RC3H1: variants seen among roughly 807,000 people sequenced by gnomAD.
RC3H1 encodes ring finger and CCCH-type domains 1.
Under a neutral mutation model 138.2 loss-of-function variants are expected in RC3H1, and 50 were observed. That is an observed-to-expected ratio of 0.36 (90% CI 0.29 to 0.46). The LOEUF is 0.46. Among genes scored for constraint, RC3H1 ranks in the 20% least tolerant of loss-of-function variants. RC3H1 has a pLI of 1.00. For synonymous variants in RC3H1, 462 were observed against 489.1 expected (o/e 0.94, Z 0.73); for missense variants, 1,031 against 1,388.1 (o/e 0.74, Z 4.09).
At position 173,952,106 on chromosome 1, in the gene RC3H1, T is replaced by C. The variant is rs1186079947; in HGVS notation, c.2403A>G (p.Lys801=). 1.9e-6 allele frequency: 3 copies of C among 1,588,018 alleles called. No individual in the cohort carries two copies. The highest frequency in any genetic ancestry group is 4.5e-5 in the East Asian group (2 of 44,102). Residue 801 remains lysine, a synonymous_variant, in exon 14 of 20, where the codon AAA becomes AAG. Transcript: ENST00000367696. ...ATTGGCTATAATCATTTCCTTTGTA[T>C]TTCCCAGCTACCTTCAAGTCTTCAT... ...FLDEDLKVAG[K]YKGNDYSQYS...
intron 13 of RC3H1, among the ~76,000 whole-genome samples, chr1:173,959,929 A>T (rs979941708): frequency 6.6e-6 from 1 of 151,780 alleles, no homozygotes; most frequent in Non-Finnish European, 1.5e-5. Context: ...AACATGGTGA[A>T]ACCGTGTCTC....
chr1:174,019,961 C>T (rs1185888492), intron 1 of RC3H1, among the ~76,000 whole-genome samples: 1 of 151,850 alleles, frequency 6.6e-6, no homozygotes, highest in Non-Finnish European at 1.5e-5. Context: ...GTAAATCTGC[C>T]CTTGACATAA....
At chr1:174,007,964 A>G (rs1172867960) in intron 1 of RC3H1, among the ~76,000 whole-genome samples, 2 of 152,210 alleles carry the variant, frequency 1.3e-5, no homozygotes, top group African/African-American at 4.8e-5. Context: ...TAAAAAAAGT[A>G]GACAAAAATC....
chr1:173,967,049 C>T (rs1177757228), intron 9 of RC3H1, among the ~76,000 whole-genome samples: 1 of 152,068 alleles, frequency 6.6e-6, no homozygotes, highest in African/African-American at 2.4e-5. Context: ...GTGCTGGGCA[C>T]AATGGCTCAC....
Position 173,980,822 on chromosome 1 carries a change from G to C in RC3H1, c.956C>G (p.Ser319Cys). Residue 319 changes from serine to cysteine, a missense_variant, in exon 6 of 20, where the codon TCC becomes TGC. This residue lies in a region of RC3H1 where 142 missense variants were observed against 224.6 expected (regional missense o/e 0.63). Transcript: ENST00000367696. ...AAAAGGTCCTACCTTGTCAATAATG[G>C]ACTGCATATGAGATTTGTGAGACTG... is the stretch of plus-strand genomic sequence containing the variant. ...GDQSHKSHMQ[S>C]IIDKLQTPAS... is the part of the protein sequence containing the mutation. 6.2e-7 allele frequency: 1 copy of C among 1,613,412 alleles called. No homozygotes were observed. Among genetic ancestry groups the C allele is most frequent in the Non-Finnish European group, 8.5e-7 (1 of 1,179,456 alleles).
chr1:173,999,587 A>G (rs983358688), intron 1 of RC3H1, among the ~76,000 whole-genome samples: 2 of 152,248 alleles, frequency 1.3e-5, no homozygotes, highest in Non-Finnish European at 2.9e-5. Flanking sequence ...TGATTAAAAC[A>G]TTGTCAATGA....
chr1:173,947,619 C>T (rs1571172141), intron 14 of RC3H1, 37 bp from the exon 15 acceptor site: 1 of 1,529,512 alleles, frequency 6.5e-7, no homozygotes, highest in Non-Finnish European at 9.1e-7. Context: ...ACCCCACACT[C>T]AGATCGCTCT....
chr1:173,952,402 TA>T (rs35197109), intron 13 of RC3H1, among the ~76,000 whole-genome samples: 2,491 of 47,146 alleles, frequency 0.053, 92 homozygotes, highest in East Asian at 0.34. Context: ...TAGCAGAAGG[TA>T]AAAAAAAAAA....
At chr1:173,957,123 T>A (rs879491575) in intron 13 of RC3H1, among the ~76,000 whole-genome samples, 3 of 152,124 alleles carry the variant, frequency 2.0e-5, no homozygotes, top group Non-Finnish European at 2.9e-5. Context: ...GAGGTTTAAA[T>A]ATATGTCTTT....
In RC3H1 at chr1:173,961,753, G is replaced by A. The variant is rs1238421962; in HGVS notation, c.2174C>T (p.Pro725Leu). 3.7e-6 allele frequency: 6 copies of A among 1,612,582 alleles called. No individual in the cohort carries two copies. The highest frequency in any genetic ancestry group is 5.1e-6 in the Non-Finnish European group (6 of 1,179,966). Residue 725 changes from proline to leucine, a missense_variant, in exon 12 of 20, where the codon CCA (proline) becomes CTA (leucine). Transcript: ENST00000367696. ...GAGGTACGAAGGTCTGATCTGAGTT[G>A]GATGAGGAGCCACTGGATAGTAACT... is the stretch of plus-strand genomic sequence containing the variant. The part of the protein sequence containing the change: ...IESYYPVAPH[P>L]TQIRPSYLRE...
chr1:173,998,369 C>A (rs1447444595), intron 1 of RC3H1, among the ~76,000 whole-genome samples: 1 of 152,050 alleles, frequency 6.6e-6, no homozygotes, highest in Non-Finnish European at 1.5e-5. Context: ...GATTAGTTTC[C>A]CCACCAGTTT....
rs577730180 is a variant in RC3H1, at chr1:173,970,731, T to C, written c.1222-114A>G. The C allele has an allele frequency of 2.4e-4, 148 of 624,382 alleles. No individual in the cohort carries two copies. The African/African-American group carries it at 2.4e-3, about 10-fold the overall frequency. The allele number at this position is 624,382 out of a possible 1,614,324, so 38.7% of individuals were successfully genotyped here. Reference sequence around the variant, plus strand: ...TAGATAAGTAATTCACATATTTATTTAGATTACCAAGAGCAAAAGTGCTGG... The same window carrying C: ...TAGATAAGTAATTCACATATTTATTCAGATTACCAAGAGCAAAAGTGCTGG... On this transcript the variant is annotated intron_variant, in intron 8 of 19. Coordinates refer to ENST00000367696, the MANE Select transcript of RC3H1 (RefSeq NM_172071.4).
rs57335213 is a variant in RC3H1, at chr1:173,959,815, C to T, written c.2370+1262G>A. Among the ~76,000 whole-genome samples, 537 of 150,784 alleles carry T rather than the reference C, an allele frequency of 3.6e-3. 4 individuals are homozygous for T. Among genetic ancestry groups the T allele is most frequent in the African/African-American group, 0.013 (522 of 41,080 alleles). Reference sequence around the variant, plus strand: ...TTCTCATCATATTGATCTAAGACAACACTGTCTAGGCCCGGCGTGGTGTCT... The same window carrying T: ...TTCTCATCATATTGATCTAAGACAATACTGTCTAGGCCCGGCGTGGTGTCT... On this transcript the variant is annotated intron_variant, in intron 13 of 19. Coordinates refer to ENST00000367696, the MANE Select transcript of RC3H1 (RefSeq NM_172071.4).
intron 13 of RC3H1, among the ~76,000 whole-genome samples, chr1:173,956,871 T>A (rs1557927225): frequency 6.6e-6 from 1 of 152,118 alleles, no homozygotes; most frequent in African/African-American, 2.4e-5. Flanking sequence ...ATTTCTATAA[T>A]GTATGAATTT....
At chr1:173,957,578 G>T (rs1175864649) in intron 13 of RC3H1, among the ~76,000 whole-genome samples, 1 of 151,902 alleles carries the variant, frequency 6.6e-6, no homozygotes, top group Non-Finnish European at 1.5e-5. Flanking sequence ...TTCTGAGACA[G>T]GGTCTTTGTT....
rs1009491178 is a variant in RC3H1 at position 173,933,337 on chromosome 1, T to G, written c.*5384A>C. 6.6e-6 allele frequency: 1 copy of G among 152,062 alleles called. No individual in the cohort carries two copies. Among genetic ancestry groups the G allele is most frequent in the South Asian group, 2.1e-4 (1 of 4,826 alleles). The allele number at this position is 152,062 out of a possible 1,614,324, so 9.4% of individuals were successfully genotyped here. A position where few individuals can be genotyped will look rare whatever the true frequency, so the allele number is the denominator to read the frequency against. On this transcript the variant is annotated 3_prime_UTR_variant, in exon 20 of 20. Transcript: ENST00000367696. ...TTCAAAGGGCTCTTTACCCACTTTG[T>G]TCAGTGCAGTATTGAAAACATACCT... is the stretch of plus-strand genomic sequence containing the variant.
chr1:174,004,815 G>A (rs928534201), intron 1 of RC3H1, among the ~76,000 whole-genome samples: 2 of 151,954 alleles, frequency 1.3e-5, no homozygotes, highest in Non-Finnish European at 2.9e-5. Flanking sequence ...CTAATGGGAA[G>A]CTGCCAGGGA....
At chr1:174,009,943 G>A (rs1661719532) in intron 1 of RC3H1, among the ~76,000 whole-genome samples, 1 of 152,112 alleles carries the variant, frequency 6.6e-6, no homozygotes, top group Non-Finnish European at 1.5e-5. Flanking sequence ...TCCTCGCAAT[G>A]AGCCTATTTG....
chr1:173,971,529 C>T (rs1660361621), intron 8 of RC3H1, among the ~76,000 whole-genome samples: 1 of 152,024 alleles, frequency 6.6e-6, no homozygotes, highest in South Asian at 2.1e-4. Flanking sequence ...AAGGATAAGG[C>T]AGGAGGATGG....
Sources: allele counts gnomAD v4.1 joint callset (sites outside exome capture counted in the v4.1 genomes callset), GRCh38; gene constraint gnomAD v4.1.1; regional missense constraint gnomAD v4.1.1; transcripts MANE v1.5; gene names NCBI Gene and HGNC (gene_info 2026-07-23, HGNC 2026-07-21).